Variants in SPTBN4 observed in about 807,000 individuals in gnomAD.
The protein encoded by SPTBN4 is spectrin beta chain, non-erythrocytic 4.
A neutral mutation model predicts 277.8 loss-of-function variants in SPTBN4; 96 were observed. The ratio of observed to expected loss-of-function variants is 0.35; its 90% CI spans 0.29 to 0.41. The LOEUF (loss-of-function observed/expected upper bound fraction) is 0.41. SPTBN4 is among the 10% of genes least tolerant of loss of function. The pLI is 1.00. For missense variants in SPTBN4, 3,006 were observed against 3,595.7 expected (o/e 0.84, Z 4.19); for synonymous variants, 1,481 against 1,580.3 (o/e 0.94, Z 1.49).
intron 20 of SPTBN4, among the ~76,000 whole-genome samples, chr19:40,543,617 T>A (rs2080824439): frequency 6.6e-6 from 1 of 152,186 alleles, no homozygotes; most frequent in Non-Finnish European, 1.5e-5. Context: ...TACCACTTAA[T>A]TTTTTAATTG....
At chr19:40,471,912 T>C (rs371577183) in intron 1 of SPTBN4, among the ~76,000 whole-genome samples, 23,732 of 145,630 alleles carry the variant, frequency 0.16, 2,126 homozygotes, top group African/African-American at 0.23. Context: ...GCTATTTTTT[T>C]TTTTTTTTTT....
chr19:40,484,387 T>C (rs770856219), intron 2 of SPTBN4, among the ~76,000 whole-genome samples: 5 of 152,214 alleles, frequency 3.3e-5, no homozygotes, highest in Non-Finnish European at 5.9e-5. Flanking sequence ...TAACAGTAAC[T>C]GTACAGGCTA....
At chr19:40,485,812 A>AC (rs1259628056) in intron 2 of SPTBN4, among the ~76,000 whole-genome samples, 7 of 152,064 alleles carry the variant, frequency 4.6e-5, no homozygotes, top group Non-Finnish European at 7.4e-5. Flanking sequence ...ACTCAAAAAA[A>AC]AAAGAGTAAT....
chr19:40,530,315 A>G (rs995773311), intron 18 of SPTBN4, among the ~76,000 whole-genome samples: 9 of 151,948 alleles, frequency 5.9e-5, no homozygotes, highest in Non-Finnish European at 1.2e-4. Context: ...TCAGGCAGCA[A>G]TCATCTGAGA....
At chr19:40,569,868 T>C (rs1197477760) in intron 32 of SPTBN4, 142 bp downstream of exon 32, 1 of 774,832 alleles carries the variant, frequency 1.3e-6, no homozygotes. Context: ...ACTCTCAGGG[T>C]CCCCAGAATC....
chr19:40,543,228 T>C (rs755395035), intron 20 of SPTBN4, among the ~76,000 whole-genome samples: 2 of 152,092 alleles, frequency 1.3e-5, no homozygotes, highest in Non-Finnish European at 2.9e-5. Context: ...GATGGGAGGA[T>C]TGCTTGAGGC....
At chr19:40,535,092 G>C (rs1303008939) in intron 20 of SPTBN4, among the ~76,000 whole-genome samples, 1 of 152,114 alleles carries the variant, frequency 6.6e-6, no homozygotes, top group East Asian at 1.9e-4. Flanking sequence ...TACTCACTCT[G>C]TCGCCCAAGC....
chr19:40,469,675 ACTCT>A (rs1345240838), intron 1 of SPTBN4, among the ~76,000 whole-genome samples: 1 of 150,714 alleles, frequency 6.6e-6, no homozygotes, highest in South Asian at 2.1e-4. Flanking sequence ...ATGGAGTCTC[ACTCT>A]CTCACCCAGG....
Position 40,515,442 on chromosome 19 carries a change from A to C in SPTBN4, c.2897A>C (p.Asn966Thr), listed in dbSNP as rs1373304340. The change falls in exon 15 of 36, where the codon AAC becomes ACC. Residue 966 changes from asparagine (N) to threonine (T), a missense_variant. Physicochemically the swap from Asn to Thr is moderately conservative, Grantham distance 65. Transcript: ENST00000598249. This position sits in a 1 kb window ranked among gnomAD's most constrained non-coding sequence, Gnocchi z 4.1. ...DEVRSCQDHL[N>T]SRWNRIVELV... ...GTGCGTTCCTGCCAGGACCACCTCA[A>C]CAGCAGGTAGGAGGGCCTGGGGCTG... 1.9e-6 allele frequency: 3 copies of C among 1,558,412 alleles called. No individual in the cohort carries two copies. The highest frequency in any genetic ancestry group is 2.6e-6 in the Non-Finnish European group (3 of 1,151,072).
chr19:40,502,103 G>A lies in SPTBN4; in HGVS notation c.898-25G>A. ...TGGCAGGCACGGGTGGGATGAGGCT[G>A]ACCCCCCTTCCTCTGCTGTGTCAGG... On this transcript the variant is annotated intron_variant, in intron 8 of 35. Transcript: ENST00000598249. The surrounding 1 kb of genome is among the most constrained non-coding windows in gnomAD (Gnocchi z 4.9). 1 of 1,613,192 alleles carries A rather than the reference G, an allele frequency of 6.2e-7. No homozygotes were observed. Among genetic ancestry groups the A allele is most frequent in the East Asian group, 2.2e-5 (1 of 44,888 alleles).
chr19:40,501,815 G>A, intron 7 of SPTBN4, 106 bp from the exon 8 acceptor site: 1 of 885,410 alleles, frequency 1.1e-6, no homozygotes. Context: ...TCTTGCCCAA[G>A]GTCACACAGC....
chr19:40,505,747 GAAGGAAGA>G (rs1486662511), intron 12 of SPTBN4, among the ~76,000 whole-genome samples: 22 of 149,744 alleles, frequency 1.5e-4, no homozygotes, highest in African/African-American at 2.5e-4. Context: ...AGGAAGGAAG[GAAGGAAGA>G]AAGAAAGGTG....
At chr19:40,568,409 A>G (rs1213577723) in intron 31 of SPTBN4, 127 bp downstream of exon 31, 2 of 1,335,756 alleles carry the variant, frequency 1.5e-6, no homozygotes, top group Non-Finnish European at 2.0e-6. Flanking sequence ...TCGCCGCGGT[A>G]CCCATTTTGC....
chr19:40,486,545 A>AT lies in SPTBN4; in HGVS notation c.170-1145dup, dbSNP rs533083079. ...CCACCCTGCCTGGCTAATTTTTTGT[A>AT]TTTTTTTGTAGAGACAGAGTCTTCA... is the stretch of plus-strand genomic sequence containing the variant. On this transcript the variant is annotated intron_variant, in intron 2 of 35. Coordinates refer to ENST00000598249, the MANE Select transcript of SPTBN4 (RefSeq NM_020971.3). 1.0e-3 allele frequency among the ~76,000 whole-genome samples: 152 copies of AT among 151,672 alleles called. 2 individuals are homozygous for AT. Among genetic ancestry groups the AT allele is most frequent in the African/African-American group, 3.6e-3 (148 of 41,370 alleles).
intron 19 of SPTBN4, 107 bp from the exon 20 acceptor site, chr19:40,533,973 C>T: frequency 7.2e-7 from 1 of 1,382,162 alleles, no homozygotes; most frequent in Non-Finnish European, 9.6e-7. Flanking sequence ...GCCTCTGATT[C>T]TCTTTTCACA....
intron 4 of SPTBN4, among the ~76,000 whole-genome samples, chr19:40,491,788 T>TGAGG (rs34583590): frequency 0.15 from 22,307 of 145,876 alleles, 2,256 homozygotes; most frequent in African/African-American, 0.29. Context: ...TCTGAGAGGC[T>TGAGG]GAGGTGGGTG....
Position 40,568,024 on chromosome 19 carries a change from G to T in SPTBN4, c.6698G>T (p.Arg2233Leu). ...AAEQVRPRPE[R>L]QESADRAEEL... ...GAGCAGGTGCGGCCACGACCGGAGC[G>T]CCAGGAGTCAGCTGATCGCGCGGAG... The change falls in exon 31 of 36, where the codon CGC becomes CTC. Residue 2233 changes from arginine to leucine, a missense_variant. Transcript: ENST00000598249. 6.5e-7 allele frequency: 1 copy of T among 1,543,878 alleles called. No individual in the cohort carries two copies. Among genetic ancestry groups the T allele is most frequent in the Non-Finnish European group, 8.7e-7 (1 of 1,145,726 alleles).
intron 13 of SPTBN4, 35 bp downstream of exon 13, chr19:40,506,421 G>T: frequency 6.3e-7 from 1 of 1,592,382 alleles, no homozygotes; most frequent in African/African-American, 1.3e-5. Flanking sequence ...GCTATGGGTG[G>T]AGACTGTCAG....
intron 20 of SPTBN4, among the ~76,000 whole-genome samples, chr19:40,545,822 A>G (rs1456501556): frequency 6.6e-6 from 1 of 152,072 alleles, no homozygotes; most frequent in African/African-American, 2.4e-5. Context: ...CAGGCAGATC[A>G]CAAGGTCAGG....
Sources: gnomAD v4.1 joint callset for allele counts (sites outside exome capture counted in the v4.1 genomes callset) on GRCh38, gnomAD v4.1.1 for gene constraint, Gnocchi (gnomAD v3.1) non-coding constraint, MANE v1.5 for transcripts, NCBI Gene and HGNC (gene_info 2026-07-23, HGNC 2026-07-21) for gene names.